Variants in KIF5C observed in about 807,000 individuals in gnomAD.
KIF5C encodes the protein kinesin family member 5C, also known as kinesin heavy chain isoform 5C.
A neutral mutation model predicts 125.2 loss-of-function variants in KIF5C; 18 were observed. That is an observed-to-expected ratio of 0.14 (90% CI 0.10 to 0.21). The LOEUF (loss-of-function observed/expected upper bound fraction) is 0.21, where lower values mean the gene tolerates loss of function less well. Ranked by LOEUF, KIF5C falls within the 10% of genes least tolerant of loss-of-function variation. KIF5C has a pLI of 1.00. For missense variants in KIF5C, 780 were observed against 1,183.8 expected, an observed-to-expected ratio of 0.66 and a Z score of 5.01; for synonymous variants, 405 against 434.0, an observed-to-expected ratio of 0.93 and a Z score of 0.83.
At chr2:148,922,841 C>T (rs1053350039) in intron 2 of KIF5C, among the ~76,000 whole-genome samples, 2 of 152,226 alleles carry the variant, frequency 1.3e-5, no homozygotes, top group Non-Finnish European at 2.9e-5. Context: ...AAACAGGTAG[C>T]CTCAAGCCTA....
chr2:149,020,664 C>T (rs75835856), intron 25 of KIF5C, among the ~76,000 whole-genome samples: 3,035 of 152,258 alleles, frequency 0.02, 52 homozygotes, highest in Non-Finnish European at 0.027. Flanking sequence ...CCTCCAGGCA[C>T]GCAGAACGGC....
chr2:148,881,533 G>A (rs137986159), intron 1 of KIF5C, among the ~76,000 whole-genome samples: 181 of 151,650 alleles, frequency 1.2e-3, no homozygotes, highest in African/African-American at 4.1e-3. Context: ...CTGAAATCAC[G>A]ACTCCATAAA....
intron 1 of KIF5C, among the ~76,000 whole-genome samples, chr2:148,910,252 T>A (rs528949553): frequency 6.6e-6 from 1 of 152,352 alleles, no homozygotes; most frequent in African/African-American, 2.4e-5. Context: ...TAATTTGCAA[T>A]TTGTAAAGTA....
chr2:149,000,586 G>A, intron 20 of KIF5C, 62 bp downstream of exon 20: 1 of 1,558,286 alleles, frequency 6.4e-7, no homozygotes, highest in Non-Finnish European at 8.7e-7. Context: ...TGGTTAGATT[G>A]GGCTAATTTA....
At chr2:148,986,144 A>C (rs1681376311) in intron 15 of KIF5C, among the ~76,000 whole-genome samples, 1 of 152,194 alleles carries the variant, frequency 6.6e-6, no homozygotes, top group Non-Finnish European at 1.5e-5. Flanking sequence ...TTTTTATGCT[A>C]AGTTCTAAAA....
At chr2:148,966,511 TG>T (rs1683054936) in intron 11 of KIF5C, among the ~76,000 whole-genome samples, 1 of 152,108 alleles carries the variant, frequency 6.6e-6, no homozygotes, top group South Asian at 2.1e-4. Context: ...CTGGCAGTGT[TG>T]GGACTGTGCC....
chr2:149,010,366 A>G lies in KIF5C; in HGVS notation c.2767+15A>G. On this transcript the variant is annotated intron_variant, in intron 24 of 25. Transcript: ENST00000435030. ...AGCCCAGATCGGTACGTGCGTGCAC[A>G]GTGGCGCCCGGGGTTTGAGAAGCTA... 4 of 1,535,136 alleles carry G rather than the reference A, an allele frequency of 2.6e-6. No individual in the cohort carries two copies. The highest frequency in any genetic ancestry group is 3.5e-6 in the Non-Finnish European group (4 of 1,141,254).
intron 10 of KIF5C, among the ~76,000 whole-genome samples, chr2:148,953,988 G>A (rs922376523): frequency 9.9e-5 from 15 of 151,988 alleles, no homozygotes; most frequent in African/African-American, 2.9e-4. Context: ...CCATCAACCC[G>A]TCACCTACAT....
intron 24 of KIF5C, among the ~76,000 whole-genome samples, chr2:149,010,596 G>A (rs1036208912): frequency 1.3e-5 from 2 of 152,268 alleles, no homozygotes; most frequent in East Asian, 3.8e-4. Context: ...TTCTGAGCTG[G>A]GCAGAGAGAA....
At chr2:148,961,567 A>C (rs139066652) in intron 10 of KIF5C, among the ~76,000 whole-genome samples, 23 of 152,326 alleles carry the variant, frequency 1.5e-4, no homozygotes, top group Admixed American at 5.2e-4. Flanking sequence ...ATTGAACTGA[A>C]AAGAACCTCA....
At chr2:148,979,213 G>C (rs1448258836) in intron 13 of KIF5C, among the ~76,000 whole-genome samples, 7 of 152,186 alleles carry the variant, frequency 4.6e-5, no homozygotes, top group Admixed American at 3.9e-4. Flanking sequence ...TTGAGATTGA[G>C]TAGCCAGTGG....
At position 148,951,657 on chromosome 2, in the gene KIF5C, G is replaced by A. The variant is rs116329404; in HGVS notation, c.968+1195G>A. Among the ~76,000 whole-genome samples the A allele has an allele frequency of 4.1e-3, 628 of 152,330 alleles. 4 individuals carry two copies. Among genetic ancestry groups the A allele is most frequent in the African/African-American group, 0.015 (612 of 41,564 alleles). On this transcript the variant is annotated intron_variant, in intron 10 of 25. Coordinates refer to ENST00000435030, the MANE Select transcript of KIF5C (RefSeq NM_004522.3). ...AGGGCTCAGAGGGCTGAGGTTGGAT[G>A]TGGATTCTGCTGCCTTCGGTTTGTT... is the stretch of plus-strand genomic sequence containing the variant.
intron 4 of KIF5C, among the ~76,000 whole-genome samples, chr2:148,939,276 CT>C (rs925898339): frequency 6.6e-6 from 1 of 152,220 alleles, no homozygotes; most frequent in Non-Finnish European, 1.5e-5. Context: ...AAGGCACCAA[CT>C]GTTTGCCCAA....
chr2:148,956,407 A>G (rs908558713), intron 10 of KIF5C, among the ~76,000 whole-genome samples: 4 of 152,236 alleles, frequency 2.6e-5, no homozygotes, highest in African/African-American at 9.6e-5. Context: ...AGCAGTATCT[A>G]GATGGAAGAT....
intron 3 of KIF5C, among the ~76,000 whole-genome samples, chr2:148,934,673 C>A (rs1276193803): frequency 1.3e-5 from 2 of 151,930 alleles, no homozygotes; most frequent in Non-Finnish European, 2.9e-5. Context: ...CAAGCACCCC[C>A]ACACTCGCCA....
intron 16 of KIF5C, among the ~76,000 whole-genome samples, chr2:148,993,070 G>C (rs1339145719): frequency 1.3e-5 from 2 of 152,230 alleles, no homozygotes; most frequent in African/African-American, 4.8e-5. Context: ...TGTTTAAATG[G>C]GTGAGGAAGA....
chr2:148,967,921 C>G (rs1249255636), intron 11 of KIF5C, among the ~76,000 whole-genome samples: 1 of 152,142 alleles, frequency 6.6e-6, no homozygotes, highest in Non-Finnish European at 1.5e-5. Flanking sequence ...TCATGCTAAC[C>G]TCCTCCCAAT....
chr2:149,011,167 G>A (rs1682182784), intron 24 of KIF5C, among the ~76,000 whole-genome samples: 1 of 152,148 alleles, frequency 6.6e-6, no homozygotes, highest in South Asian at 2.1e-4. Context: ...TACCCTTTGA[G>A]AATCTATTAA....
At chr2:148,966,353 T>TGTGC (rs1553467309) in intron 11 of KIF5C, among the ~76,000 whole-genome samples, 10 of 149,270 alleles carry the variant, frequency 6.7e-5, no homozygotes, top group Non-Finnish European at 1.2e-4. Context: ...TGTGTGTGTG[T>TGTGC]GCGCGCGCGC....
Sources: allele counts gnomAD v4.1 joint callset (sites outside exome capture counted in the v4.1 genomes callset), GRCh38; gene constraint gnomAD v4.1.1; transcripts MANE v1.5; gene names NCBI Gene and HGNC (gene_info 2026-07-23, HGNC 2026-07-21).